CRLF2: variants seen among roughly 807,000 people sequenced by gnomAD.
The protein encoded by CRLF2 is cytokine receptor like factor 2, also known as cytokine receptor-like factor 2.
CRLF2 carries 41 observed loss-of-function variants against 38.7 expected under a neutral mutation model. The observed-to-expected ratio is 1.06, with a 90% CI of 0.83 to 1.37. The LOEUF is 1.37. Among genes scored for constraint, CRLF2 ranks in the 40% most tolerant of loss-of-function variants. The probability of loss-of-function intolerance (pLI) is 0.00; values close to 1 mark genes in which losing one functional copy is unlikely to be tolerated. For missense variants in CRLF2, 377 were observed against 322.2 expected, an observed-to-expected ratio of 1.17 and a Z score of -1.30; for synonymous variants, 140 against 128.8, an observed-to-expected ratio of 1.09 and a Z score of -0.59.
intron 7 of CRLF2, 80 bp downstream of exon 7, chrX:1,193,138 G>A (rs1276672401): frequency 2.2e-4 from 87 of 397,484 alleles, no homozygotes; most frequent in East Asian, 1.2e-3. Flanking sequence ...TAAAAAGGTC[G>A]CGCTCAGAGA....
chrX:1,200,592 T>TGC (rs782270409), intron 4 of CRLF2, among the ~76,000 whole-genome samples: 7,152 of 50,338 alleles, frequency 0.14, 1,990 homozygotes, highest in East Asian at 0.33. Context: ...TATATATGTG[T>TGC]GTATATAAGA....
At chrX:1,195,534 A>G (rs2086459015) in intron 6 of CRLF2, among the ~76,000 whole-genome samples, 3 of 151,430 alleles carry the variant, frequency 2.0e-5, no homozygotes, top group African/African-American at 7.3e-5. Flanking sequence ...CAGCCTCCCA[A>G]ATAGCTGGGA....
intron 1 of CRLF2, among the ~76,000 whole-genome samples, chrX:1,212,292 C>T (rs1468634747): frequency 2.9e-4 from 44 of 151,296 alleles, no homozygotes; most frequent in African/African-American, 9.2e-4. Flanking sequence ...TTCTGGCCAC[C>T]GAAAGCTCAT....
At position 1,197,669 on chromosome X, in the gene CRLF2, G is replaced by C. The variant is rs1482563526; in HGVS notation, c.647-769C>G. Among the ~76,000 whole-genome samples, 4 of 151,918 alleles carry C rather than the reference G, an allele frequency of 2.6e-5. No individual in the cohort carries two copies. The South Asian group carries it at 6.3e-4, about 24-fold the overall frequency. On this transcript the variant is annotated intron_variant, in intron 5 of 7. Coordinates refer to ENST00000400841, the MANE Select transcript of CRLF2 (RefSeq NM_022148.4). ...TCCCTACTAAAAATACAAACATTAGGCGGGCTTGGTGGTGCGTGCCTGTAG... is the reference window on the plus strand; with the variant it reads ...TCCCTACTAAAAATACAAACATTAGCCGGGCTTGGTGGTGCGTGCCTGTAG...
intron 1 of CRLF2, among the ~76,000 whole-genome samples, chrX:1,211,169 ATGGATGG>A (rs1569474037): frequency 4.8e-5 from 3 of 62,528 alleles, no homozygotes; most frequent in African/African-American, 2.2e-4. Context: ...ACATAGGTGA[ATGGATGG>A]ATGGATGGAT....
At chrX:1,195,073 C>T (rs2086453524) in intron 6 of CRLF2, among the ~76,000 whole-genome samples, 1 of 147,664 alleles carries the variant, frequency 6.8e-6, no homozygotes, top group African/African-American at 2.5e-5. Context: ...ATGACTCAAC[C>T]TCCCACCTAC....
intron 3 of CRLF2, 59 bp downstream of exon 3, chrX:1,206,374 G>A (rs1414330793): frequency 2.0e-6 from 3 of 1,477,600 alleles, no homozygotes; most frequent in East Asian, 4.5e-5. Context: ...TTCAGTCCTT[G>A]TGGTAATAAG....
At chrX:1,208,746 G>A in intron 2 of CRLF2, 60 bp downstream of exon 2, 1 of 973,242 alleles carries the variant, frequency 1.0e-6, no homozygotes, top group African/African-American at 1.6e-5. Context: ...ATCGCTGACG[G>A]CTCAGAAGAG....
chrX:1,191,630 C>G (rs2147817250), intron 7 of CRLF2, among the ~76,000 whole-genome samples: 1 of 151,594 alleles, frequency 6.6e-6, no homozygotes, highest in South Asian at 2.1e-4. Flanking sequence ...CTACCCGGTT[C>G]AAGCGATTCT....
At chrX:1,197,215 C>G (rs1276223654) in intron 5 of CRLF2, among the ~76,000 whole-genome samples, 3 of 151,166 alleles carry the variant, frequency 2.0e-5, no homozygotes, top group Non-Finnish European at 1.5e-5. Flanking sequence ...GTCTCAGCCT[C>G]CCGAGCAGCT....
chrX:1,199,485 G>C (rs2086562218), intron 4 of CRLF2, among the ~76,000 whole-genome samples: 1 of 151,934 alleles, frequency 6.6e-6, no homozygotes, highest in Non-Finnish European at 1.5e-5. Context: ...ATTTCTAGTA[G>C]AGATGAGGTT....
rs775032742 is a variant in CRLF2, at chrX:1,210,111, A to AAAAAGAAAAGAAAAGAAAAG, written c.80-1223_80-1204dup. ...ACAGCAAGACTCCCTATCAAAAAAA[A>AAAAAGAAAAGAAAAGAAAAG]AAAAGAAAAGAAAAGAAAAGAAAAG... On this transcript the variant is annotated intron_variant, in intron 1 of 7. Coordinates refer to ENST00000400841, the MANE Select transcript of CRLF2 (RefSeq NM_022148.4). 1.9e-3 allele frequency among the ~76,000 whole-genome samples: 200 copies of AAAAAGAAAAGAAAAGAAAAG among 107,844 alleles called. 1 individual carries two copies. The highest frequency in any genetic ancestry group is 8.7e-3 in the Middle Eastern group (2 of 230). The allele number at this position is 107,844 out of a possible 152,430, so 70.7% of individuals were successfully genotyped here. A position where few individuals can be genotyped will look rare whatever the true frequency, so the allele number is the denominator to read the frequency against.
In CRLF2 at chrX:1,196,861, A is replaced by G; in HGVS notation, c.686T>C (p.Leu229Pro). ...GCTGGAAATTAAAATAAATTTGGAC[A>G]GCTTTGGTTTGGGAGGCGTTGGTGT... ...AETPTPPKPK[L>P]SKFILISSLA... The change falls in exon 6 of 8, where the codon CTG (leucine) becomes CCG (proline). Residue 229 changes from leucine to proline, a missense_variant. By Grantham distance (98) the Leu-to-Pro change is moderately conservative. Transcript: ENST00000400841. 1.2e-6 allele frequency: 2 copies of G among 1,613,620 alleles called. No individual in the cohort carries two copies. The highest frequency in any genetic ancestry group is 1.7e-6 in the Non-Finnish European group (2 of 1,179,678).
chrX:1,209,611 G>A (rs758713825), intron 1 of CRLF2, among the ~76,000 whole-genome samples: 73 of 152,206 alleles, frequency 4.8e-4, no homozygotes, highest in African/African-American at 1.3e-3. Context: ...GATTGCAGGC[G>A]TGAGCCACCG....
In CRLF2 at chrX:1,198,637, C is replaced by A. The variant is rs2086542493; in HGVS notation, c.571G>T (p.Glu191Ter). ...TATGTGTCTGGCCCATATACATCCTCCATAGCCTTCACCCTGACCCAGAAA... is the reference window on the plus strand; with the variant it reads ...TATGTGTCTGGCCCATATACATCCTACATAGCCTTCACCCTGACCCAGAAA... ...YSFWVRVKAM[E>*]DVYGPDTYPS... The change falls in exon 5 of 8, where the codon GAG (glutamate) becomes TAG (stop). Residue 191 changes from glutamate to a stop codon, truncating the protein, a stop_gained. Transcript: ENST00000400841. LOFTEE classifies it high-confidence loss of function. 9 of 1,613,516 alleles carry A rather than the reference C, an allele frequency of 5.6e-6. No individual in the cohort carries two copies. Among genetic ancestry groups the A allele is most frequent in the Non-Finnish European group, 6.8e-6 (8 of 1,179,678 alleles).
intron 7 of CRLF2, among the ~76,000 whole-genome samples, chrX:1,192,671 TTC>T (rs1194433899): frequency 4.0e-5 from 6 of 151,740 alleles, no homozygotes; most frequent in African/African-American, 7.2e-5. Flanking sequence ...CCTTTTTTCT[TTC>T]TCTTTCTTTT....
At chrX:1,192,168 G>A (rs1282340062) in intron 7 of CRLF2, among the ~76,000 whole-genome samples, 1 of 129,582 alleles carries the variant, frequency 7.7e-6, no homozygotes, top group African/African-American at 3.0e-5. Context: ...TCCCGCCACT[G>A]CACTCCAGCC....
chrX:1,203,854 G>A (rs1281620296), intron 3 of CRLF2, among the ~76,000 whole-genome samples: 2 of 152,166 alleles, frequency 1.3e-5, no homozygotes, highest in East Asian at 1.9e-4. Context: ...GTAATTTCGC[G>A]AATAAAGAGT....
At chrX:1,210,866 T>G (rs2086784662) in intron 1 of CRLF2, among the ~76,000 whole-genome samples, 1 of 152,048 alleles carries the variant, frequency 6.6e-6, no homozygotes, top group African/African-American at 2.4e-5. Flanking sequence ...GACAAGTGGA[T>G]GGGTGGGTGG....
Sources: allele counts gnomAD v4.1 joint callset (sites outside exome capture counted in the v4.1 genomes callset), GRCh38; gene constraint gnomAD v4.1.1; transcripts MANE v1.5; gene names NCBI Gene and HGNC (gene_info 2026-07-23, HGNC 2026-07-21).